The following CDH23 variants were observed in gnomAD, a reference collection of about 807,000 sequenced individuals.
CDH23 encodes cadherin related 23.
Under a neutral mutation model 317.1 loss-of-function variants are expected in CDH23, and 189 were observed. The observed-to-expected ratio is 0.60, with a 90% CI of 0.53 to 0.67. The LOEUF (loss-of-function observed/expected upper bound fraction) is 0.67. CDH23 is among the 30% of genes least tolerant of loss of function. CDH23 has a pLI of 0.00. For synonymous variants in CDH23, 1,839 were observed against 1,876.8 expected (o/e 0.98, Z 0.52); for missense variants, 4,401 against 4,592.4 (o/e 0.96, Z 1.20).
chr10:71,705,750 G>T (rs1352055849), intron 25 of CDH23, among the ~76,000 whole-genome samples: 1 of 152,196 alleles, frequency 6.6e-6, no homozygotes, highest in African/African-American at 2.4e-5. Context: ...GCAGACATGA[G>T]CTGTTGCCAA....
chr10:71,488,931 C>G (rs1378958950), intron 3 of CDH23, among the ~76,000 whole-genome samples: 6 of 152,254 alleles, frequency 3.9e-5, no homozygotes, highest in Non-Finnish European at 7.3e-5. Context: ...TTGGGATCCA[C>G]TGTGATCATT....
intron 6 of CDH23, among the ~76,000 whole-genome samples, chr10:71,519,775 CTTTTTCT>C (rs979376533): frequency 1.1e-4 from 16 of 151,532 alleles, no homozygotes; most frequent in Non-Finnish European, 2.1e-4. Context: ...TTTTTCTTTT[CTTTTTCT>C]TTTTTCTTTT....
intron 6 of CDH23, among the ~76,000 whole-genome samples, chr10:71,537,935 T>G (rs1855790250): frequency 6.6e-6 from 1 of 152,128 alleles, no homozygotes; most frequent in South Asian, 2.1e-4. Flanking sequence ...AGAGCTGGGA[T>G]TCAAGCCTAT....
intron 38 of CDH23, among the ~76,000 whole-genome samples, chr10:71,766,669 ATT>A: frequency 6.6e-6 from 1 of 152,136 alleles, no homozygotes; most frequent in East Asian, 1.9e-4. Context: ...TACCTGTCAC[ATT>A]TAGTTCTCAT....
intron 3 of CDH23, among the ~76,000 whole-genome samples, chr10:71,451,778 G>A (rs1850456338): frequency 6.6e-6 from 1 of 152,218 alleles, no homozygotes; most frequent in South Asian, 2.1e-4. Flanking sequence ...GGCCATCACT[G>A]TGTCCCCAGG....
chr10:71,493,160 G>T (rs1201286772), intron 3 of CDH23, among the ~76,000 whole-genome samples: 1 of 152,144 alleles, frequency 6.6e-6, no homozygotes, highest in African/African-American at 2.4e-5. Context: ...CGGTGGCCAG[G>T]AAAGTATGTG....
At chr10:71,587,687 C>T (rs899805082) in intron 9 of CDH23, among the ~76,000 whole-genome samples, 3 of 152,208 alleles carry the variant, frequency 2.0e-5, no homozygotes, top group African/African-American at 4.8e-5. Flanking sequence ...GCTCCCACCT[C>T]AGAAAAGGTC....
chr10:71,472,105 C>T lies in CDH23; in HGVS notation c.145+25710C>T, dbSNP rs374092204. ...TTGTCCTCAGCTCCATTCTTGGCCA[C>T]CTCCAGCCCTGCTCCGAGTGGCGGG... On this transcript the variant is annotated intron_variant, in intron 3 of 69. Transcript: ENST00000224721. 3.5e-3 allele frequency among the ~76,000 whole-genome samples: 533 copies of T among 152,322 alleles called. 1 individual carries two copies. Among genetic ancestry groups the T allele is most frequent in the Admixed American group, 5.9e-3 (90 of 15,306 alleles).
At chr10:71,727,083 G>A (rs1377400133) in intron 30 of CDH23, among the ~76,000 whole-genome samples, 3 of 152,168 alleles carry the variant, frequency 2.0e-5, no homozygotes, top group Admixed American at 2.0e-4. Context: ...ACCCTCACAC[G>A]TGCCCGATAT....
intron 6 of CDH23, among the ~76,000 whole-genome samples, chr10:71,517,501 G>A (rs1043984428): frequency 6.6e-6 from 1 of 152,208 alleles, no homozygotes; most frequent in African/African-American, 2.4e-5. Context: ...CCCACATGGC[G>A]TGCCTGTCAG....
At chr10:71,601,958 C>T (rs1001784994) in intron 9 of CDH23, among the ~76,000 whole-genome samples, 2 of 90,920 alleles carry the variant, frequency 2.2e-5, no homozygotes, top group Non-Finnish European at 4.7e-5. Context: ...GGGTGGGCGG[C>T]GGAGGGGGGG....
intron 20 of CDH23, among the ~76,000 whole-genome samples, chr10:71,692,464 A>C (rs1865221334): frequency 1.3e-5 from 2 of 152,208 alleles, no homozygotes; most frequent in Admixed American, 6.5e-5. Context: ...AATTTCCTAG[A>C]CAGGAGAGGC....
At chr10:71,524,614 C>T (rs537774147) in intron 6 of CDH23, among the ~76,000 whole-genome samples, 10 of 152,286 alleles carry the variant, frequency 6.6e-5, no homozygotes, top group African/African-American at 2.4e-4. Flanking sequence ...GAACCTGTGA[C>T]TGTGTGACCC....
intron 44 of CDH23, among the ~76,000 whole-genome samples, chr10:71,788,367 T>C (rs1841156029): frequency 1.3e-5 from 2 of 152,032 alleles, no homozygotes; most frequent in African/African-American, 4.8e-5. Flanking sequence ...TTTTGACTTT[T>C]TAATAATAGC....
intron 6 of CDH23, among the ~76,000 whole-genome samples, chr10:71,535,045 C>T (rs749669341): frequency 5.3e-5 from 8 of 152,218 alleles, no homozygotes; most frequent in Non-Finnish European, 8.8e-5. Flanking sequence ...GTGCCCTCCG[C>T]GGCTCTTCAG....
intron 6 of CDH23, among the ~76,000 whole-genome samples, chr10:71,552,558 C>T (rs1856656325): frequency 6.6e-6 from 1 of 152,176 alleles, no homozygotes; most frequent in African/African-American, 2.4e-5. Flanking sequence ...GAAATGCTTT[C>T]ATTGATTTTT....
At chr10:71,474,349 G>A (rs1453595275) in intron 3 of CDH23, among the ~76,000 whole-genome samples, 1 of 152,244 alleles carries the variant, frequency 6.6e-6, no homozygotes, top group African/African-American at 2.4e-5. Context: ...TACCATCCCT[G>A]CTGAGGCTTT....
chr10:71,655,745 A>C, intron 14 of CDH23, among the ~76,000 whole-genome samples: 1 of 151,998 alleles, frequency 6.6e-6, no homozygotes, highest in African/African-American at 2.4e-5. Flanking sequence ...TATCTAGGAC[A>C]GTTGCTGGAG....
At chr10:71,681,779 A>T (rs1009493188) in intron 17 of CDH23, among the ~76,000 whole-genome samples, 1 of 152,198 alleles carries the variant, frequency 6.6e-6, no homozygotes, top group African/African-American at 2.4e-5. Context: ...CTACAAAGAA[A>T]TTTTTTTAAA....
Sources: allele counts gnomAD v4.1 joint callset (sites outside exome capture counted in the v4.1 genomes callset), GRCh38; gene constraint gnomAD v4.1.1; transcripts MANE v1.5; gene names NCBI Gene and HGNC (gene_info 2026-07-23, HGNC 2026-07-21).